Variants in RLN2 observed in about 807,000 individuals in gnomAD.
RLN2 encodes prorelaxin H2.
RLN2 carries 10 observed loss-of-function variants against 7.3 expected under a neutral mutation model. The observed-to-expected ratio is 1.36, with a 90% CI of 0.84 to 2.31. RLN2 has a LOEUF of 2.31. RLN2 is among the 30% of genes most tolerant of loss of function. The pLI is 0.00. For synonymous variants in RLN2, 103 were observed against 82.3 expected, an observed-to-expected ratio of 1.25 and a Z score of -1.36; for missense variants, 298 against 217.6, an observed-to-expected ratio of 1.37 and a Z score of -2.32.
chr9:5,307,391 CTA>C (rs912023147), upstream of RLN2, among the ~76,000 whole-genome samples: 48 of 151,714 alleles, frequency 3.2e-4, no homozygotes, highest in African/African-American at 1.1e-3. Flanking sequence ...CATCAGTTTC[CTA>C]TGAGAGTTTT....
At chr9:5,320,229 G>A in the RLN2 span, among the ~76,000 whole-genome samples, 10 of 151,456 alleles carry the variant, frequency 6.6e-5, no homozygotes, top group East Asian at 1.9e-4. Flanking sequence ...CAGGTGATCC[G>A]CCCTCCTCGG....
the RLN2 span, chr9:5,335,667 A>G: frequency 1.1e-6 from 1 of 908,644 alleles, no homozygotes; most frequent in Non-Finnish European, 1.7e-6. Flanking sequence ...AAAACTGTGA[A>G]TGTTTGCATA....
the RLN2 span, among the ~76,000 whole-genome samples, chr9:5,321,222 T>G: frequency 6.6e-6 from 1 of 152,128 alleles, no homozygotes; most frequent in African/African-American, 2.4e-5. Flanking sequence ...AACAAAATTG[T>G]AGGCTTCCTC....
At chr9:5,333,352 A>G in the RLN2 span, among the ~76,000 whole-genome samples, 1 of 151,998 alleles carries the variant, frequency 6.6e-6, no homozygotes, top group Admixed American at 6.6e-5. Flanking sequence ...CTACCACTGA[A>G]CCCACAGAAA....
At chr9:5,311,009 G>A in the RLN2 span, among the ~76,000 whole-genome samples, 2 of 152,148 alleles carry the variant, frequency 1.3e-5, no homozygotes, top group African/African-American at 4.8e-5. Flanking sequence ...CCTACTTGCA[G>A]AAACAAATGT....
At chr9:5,328,629 A>G in the RLN2 span, among the ~76,000 whole-genome samples, 1 of 152,034 alleles carries the variant, frequency 6.6e-6, no homozygotes, top group Non-Finnish European at 1.5e-5. Context: ...CAAGGTTGAA[A>G]TGAAGGAAAA....
upstream of RLN2, among the ~76,000 whole-genome samples, chr9:5,306,569 T>C (rs1054704391): frequency 6.6e-6 from 1 of 151,992 alleles, no homozygotes; most frequent in African/African-American, 2.4e-5. Flanking sequence ...CACAGGCAAA[T>C]GCAAGATTCA....
At chr9:5,302,640 C>T (rs889020827) in intron 1 of RLN2, among the ~76,000 whole-genome samples, 3 of 152,092 alleles carry the variant, frequency 2.0e-5, no homozygotes, top group African/African-American at 7.2e-5. Context: ...CATGTCTCTT[C>T]AAAGGAAATA....
chr9:5,319,841 T>C, the RLN2 span, among the ~76,000 whole-genome samples: 987 of 152,140 alleles, frequency 6.5e-3, 14 homozygotes, highest in Non-Finnish European at 7.9e-3. Context: ...ACATTCTTTA[T>C]GAAGTCAGAA....
chr9:5,336,199 C>G, the RLN2 span, among the ~76,000 whole-genome samples: 40,999 of 151,760 alleles, frequency 0.27, 6,072 homozygotes, highest in East Asian at 0.4. Flanking sequence ...CTTCCCCAGA[C>G]TAATTACTCC....
At chr9:5,331,854 A>T in the RLN2 span, among the ~76,000 whole-genome samples, 1 of 151,924 alleles carries the variant, frequency 6.6e-6, no homozygotes. Context: ...AACTGGTGCA[A>T]CCTCTTTGGA....
chr9:5,304,508 C>A lies in RLN2; in HGVS notation c.73G>T (p.Asp25Tyr), dbSNP rs1259619609. The A allele has an allele frequency of 2.5e-6, 4 of 1,613,764 alleles. No individual in the cohort carries two copies. The African/African-American group carries it at 5.3e-5, about 22-fold the overall frequency. The change falls in exon 1 of 2, where the codon GAC (aspartate) becomes TAC (tyrosine). Residue 25 changes from aspartate (D) to tyrosine (Y), a missense_variant. Physicochemically the swap from Asp to Tyr is radical, Grantham distance 160 (BLOSUM62 -3). Coordinates refer to ENST00000381627, the MANE Select transcript of RLN2 (RefSeq NM_134441.3). ...LLNQFSRAVA[D>Y]SWMEEVIKLC... ...TTAATAACTTCCTCCATCCATGAGTCCGCGACTGCTCTGGAAAATTGGTTC... is the reference window on the plus strand; with the variant it reads ...TTAATAACTTCCTCCATCCATGAGTACGCGACTGCTCTGGAAAATTGGTTC...
At chr9:5,336,971 G>C in the RLN2 span, among the ~76,000 whole-genome samples, 1 of 151,836 alleles carries the variant, frequency 6.6e-6, no homozygotes, top group African/African-American at 2.4e-5. Context: ...TCAACAGTTG[G>C]AGTTTGACAG....
At chr9:5,330,910 G>C in the RLN2 span, among the ~76,000 whole-genome samples, 3 of 151,896 alleles carry the variant, frequency 2.0e-5, no homozygotes, top group South Asian at 6.3e-4. Context: ...AAATGATAAA[G>C]GGGGTATCAC....
chr9:5,330,215 G>A, the RLN2 span, among the ~76,000 whole-genome samples: 2 of 152,002 alleles, frequency 1.3e-5, no homozygotes, highest in Non-Finnish European at 2.9e-5. Context: ...AAACCAATGA[G>A]AACAAAGACA....
At position 5,300,247 on chromosome 9, in the gene RLN2, G is replaced by A; in HGVS notation, c.409C>T (p.Gln137Ter). 1 of 1,613,984 alleles carries A rather than the reference G, an allele frequency of 6.2e-7. No individual in the cohort carries two copies. The highest frequency in any genetic ancestry group is 8.5e-7 in the Non-Finnish European group (1 of 1,179,912). Residue 137 changes from glutamine (Q) to a stop codon, truncating the protein, a stop_gained, in exon 2 of 2, where the codon CAA becomes TAA. Coordinates refer to ENST00000381627, the MANE Select transcript of RLN2 (RefSeq NM_134441.3). LOFTEE classifies it low-confidence loss of function (END_TRUNC). ...GGACTGCTGTCTGCGGCTTCACTTTGTCTATTGCGAATAAGTTTCTTAAAT... is the reference window on the plus strand; with the variant it reads ...GGACTGCTGTCTGCGGCTTCACTTTATCTATTGCGAATAAGTTTCTTAAAT... Reference protein sequence around the residue: ...EEFKKLIRNRQSEAADSSPSE... With the variant: ...EEFKKLIRNR
At chr9:5,306,493 G>A (rs539558996), upstream of RLN2, among the ~76,000 whole-genome samples, 78 of 152,166 alleles carry the variant, frequency 5.1e-4, no homozygotes, top group Non-Finnish European at 9.1e-4. Context: ...GAGTTGTCAT[G>A]CACTTATTCA....
At chr9:5,319,466 T>C in the RLN2 span, among the ~76,000 whole-genome samples, 1 of 151,952 alleles carries the variant, frequency 6.6e-6, no homozygotes, top group Non-Finnish European at 1.5e-5. Context: ...ATGTAACTTT[T>C]CATTTAGGAA....
At chr9:5,324,705 A>C in the RLN2 span, among the ~76,000 whole-genome samples, 1 of 152,062 alleles carries the variant, frequency 6.6e-6, no homozygotes, top group Admixed American at 6.6e-5. Context: ...GAACATATAA[A>C]TATTATAAAA....
Sources: gnomAD v4.1 joint callset for allele counts (sites outside exome capture counted in the v4.1 genomes callset) on GRCh38, gnomAD v4.1.1 for gene constraint, MANE v1.5 for transcripts, NCBI Gene and HGNC (gene_info 2026-07-23, HGNC 2026-07-21) for gene names.